Variants in COPG2 observed in about 807,000 individuals in gnomAD.
The protein encoded by COPG2 is coat protein complex I subunit gamma 2, also known as coatomer subunit gamma-2.
A neutral mutation model predicts 46.3 loss-of-function variants in COPG2; 37 were observed. The observed-to-expected ratio is 0.80, with a 90% CI of 0.61 to 1.05. COPG2 has a LOEUF of 1.05. COPG2 is among the 50% of genes least tolerant of loss of function. The pLI, the probability that COPG2 is intolerant of heterozygous loss-of-function variation, is 0.00. For synonymous variants in COPG2, 159 were observed against 129.7 expected, an observed-to-expected ratio of 1.23 and a Z score of -1.53; for missense variants, 427 against 387.8, an observed-to-expected ratio of 1.10 and a Z score of -0.85.
intron 20 of COPG2, among the ~76,000 whole-genome samples, chr7:130,538,087 T>TG (rs1416339315): frequency 2.1e-4 from 32 of 151,842 alleles, no homozygotes; most frequent in African/African-American, 4.4e-4. Flanking sequence ...GTGTCATCAG[T>TG]GGGGGCAGGG....
chr7:130,539,463 G>A (rs1799915369), intron 20 of COPG2, among the ~76,000 whole-genome samples: 1 of 152,164 alleles, frequency 6.6e-6, no homozygotes, highest in Non-Finnish European at 1.5e-5. Context: ...TTGAAGAGAA[G>A]GTGGGATAGA....
chr7:130,665,577 T>C (rs761216566), intron 3 of COPG2, among the ~76,000 whole-genome samples: 4 of 152,136 alleles, frequency 2.6e-5, no homozygotes, highest in African/African-American at 7.2e-5. Flanking sequence ...AGCACTAACA[T>C]TGCACCAGGT....
intron 20 of COPG2, among the ~76,000 whole-genome samples, chr7:130,532,506 C>G (rs922314813): frequency 6.6e-6 from 1 of 151,814 alleles, no homozygotes; most frequent in Non-Finnish European, 1.5e-5. Flanking sequence ...GCGGAGGAGC[C>G]GGGTCTCAGG....
chr7:130,556,007 T>C (rs1793617388), intron 12 of COPG2, among the ~76,000 whole-genome samples: 1 of 152,110 alleles, frequency 6.6e-6, no homozygotes, highest in African/African-American at 2.4e-5. Context: ...CTCACAGCAG[T>C]AGCAGTAGCC....
chr7:130,579,569 T>A (rs1167996436), intron 9 of COPG2, among the ~76,000 whole-genome samples: 2 of 151,962 alleles, frequency 1.3e-5, no homozygotes, highest in Non-Finnish European at 2.9e-5. Flanking sequence ...GGATAAAGAG[T>A]CACGACCCAT....
Position 130,621,845 on chromosome 7 carries a change from G to A in COPG2, c.324-4780C>T, listed in dbSNP as rs180706656. The stretch of plus-strand genomic sequence containing the variant: ...TATAATCCCAGCTACTCGGGAGGCT[G>A]AGGTGGGAGAGTCACTGGAACCCAG... On this transcript the variant is annotated intron_variant, in intron 5 of 23. Transcript: ENST00000425248. 1.5e-3 allele frequency among the ~76,000 whole-genome samples: 221 copies of A among 150,324 alleles called. 1 individual carries two copies. The highest frequency in any genetic ancestry group is 3.4e-3 in the Middle Eastern group (1 of 294).
intron 5 of COPG2, among the ~76,000 whole-genome samples, chr7:130,618,122 CTT>C (rs1794981053): frequency 1.6e-5 from 1 of 61,540 alleles, no homozygotes; most frequent in South Asian, 4.8e-4. Flanking sequence ...AAAAAAAAGA[CTT>C]TTTTTGGAAG....
At chr7:130,652,742 A>G (rs1398846311) in intron 5 of COPG2, 127 bp downstream of exon 5, 1 of 666,512 alleles carries the variant, frequency 1.5e-6, no homozygotes, top group Admixed American at 3.1e-5. Context: ...ATTTTAGAAA[A>G]GAATGCTTTA....
intron 5 of COPG2, among the ~76,000 whole-genome samples, chr7:130,649,621 C>T (rs782208245): frequency 6.6e-6 from 1 of 152,198 alleles, no homozygotes; most frequent in Non-Finnish European, 1.5e-5. Flanking sequence ...TGCATTTCCA[C>T]CATCTGTTCA....
intron 5 of COPG2, among the ~76,000 whole-genome samples, chr7:130,647,507 T>C (rs1279957846): frequency 6.6e-6 from 1 of 152,134 alleles, no homozygotes; most frequent in East Asian, 1.9e-4. Context: ...CTTGAGTAAA[T>C]ACCTAGAAGG....
In COPG2 at chr7:130,636,979, T is replaced by TG. The variant is rs782486756; in HGVS notation, c.323+15889dup. Among the ~76,000 whole-genome samples, 5 of 152,334 alleles carry TG rather than the reference T, an allele frequency of 3.3e-5. No individual in the cohort carries two copies. The East Asian group carries it at 5.8e-4, about 18-fold the overall frequency. ...AAGGATTTTATTTCTCCTTCACTTA[T>TG]GAAGGTTAGTTTGTCTGGATATAAA... On this transcript the variant is annotated intron_variant, in intron 5 of 23. Coordinates refer to ENST00000425248, the MANE Select transcript of COPG2 (RefSeq NM_012133.6).
chr7:130,514,173 C>CT (rs1554441417), intron 20 of COPG2, among the ~76,000 whole-genome samples: 1 of 152,126 alleles, frequency 6.6e-6, no homozygotes, highest in Non-Finnish European at 1.5e-5. Flanking sequence ...TAATGCGAAG[C>CT]TTTTGTGAGA....
chr7:130,616,716 T>C (rs1234924985), intron 6 of COPG2, among the ~76,000 whole-genome samples: 1 of 152,212 alleles, frequency 6.6e-6, no homozygotes. Context: ...CTTTTTAAGA[T>C]AAATTTGAAT....
At chr7:130,546,787 T>C (rs1430473517) in intron 20 of COPG2, 1 of 152,232 alleles carries the variant, frequency 6.6e-6, no homozygotes, top group Non-Finnish European at 1.5e-5. Context: ...GGGATAACTA[T>C]TTACTAGTGC....
chr7:130,618,093 CCT>C (rs1417138590), intron 5 of COPG2, among the ~76,000 whole-genome samples: 13 of 46,542 alleles, frequency 2.8e-4, no homozygotes, highest in Non-Finnish European at 7.3e-4. Flanking sequence ...AGAGTGAGAC[CCT>C]GTCTCAAAAA....
intron 20 of COPG2, among the ~76,000 whole-genome samples, chr7:130,537,208 C>T (rs1026496802): frequency 5.3e-5 from 8 of 151,908 alleles, no homozygotes; most frequent in Non-Finnish European, 8.8e-5. Context: ...AGTGTTTTTC[C>T]ACAGTGTGAA....
At chr7:130,575,468 AG>A (rs1793985253) in intron 9 of COPG2, among the ~76,000 whole-genome samples, 1 of 152,196 alleles carries the variant, frequency 6.6e-6, no homozygotes, top group Admixed American at 6.5e-5. Context: ...TCATATATAA[AG>A]GAAAGATACA....
At chr7:130,635,843 T>C (rs1795327159) in intron 5 of COPG2, among the ~76,000 whole-genome samples, 2 of 152,236 alleles carry the variant, frequency 1.3e-5, no homozygotes, top group African/African-American at 4.8e-5. Flanking sequence ...GGGCATTTAG[T>C]GCTATAAATT....
intron 5 of COPG2, among the ~76,000 whole-genome samples, chr7:130,642,258 C>A (rs1554457450): frequency 1.4e-5 from 2 of 143,852 alleles, no homozygotes; most frequent in Non-Finnish European, 3.0e-5. Flanking sequence ...TTTTTTTTCA[C>A]CGAGCTGTAA....
Sources: allele counts gnomAD v4.1 joint callset (sites outside exome capture counted in the v4.1 genomes callset), GRCh38; gene constraint gnomAD v4.1.1; transcripts MANE v1.5; gene names NCBI Gene and HGNC (gene_info 2026-07-23, HGNC 2026-07-21).